The following CNTN5 variants were observed in gnomAD, a reference collection of about 807,000 sequenced individuals.
CNTN5 encodes the protein contactin 5.
CNTN5 carries 77 observed loss-of-function variants against 129.1 expected under a neutral mutation model. The observed-to-expected ratio is 0.60, with a 90% confidence interval of 0.50 to 0.72. The LOEUF (loss-of-function observed/expected upper bound fraction) is 0.72. Ranked by LOEUF, CNTN5 falls within the 30% of genes least tolerant of loss-of-function variation. The probability of loss-of-function intolerance (pLI) is 0.00; values close to 1 mark genes in which losing one functional copy is unlikely to be tolerated. For missense variants in CNTN5, 1,478 were observed against 1,328.8 expected, an observed-to-expected ratio of 1.11 and a Z score of -1.75; for synonymous variants, 509 against 465.6, an observed-to-expected ratio of 1.09 and a Z score of -1.20.
intron 13 of CNTN5, among the ~76,000 whole-genome samples, chr11:100,138,049 C>T (rs146267055): frequency 4.0e-5 from 6 of 151,516 alleles, no homozygotes; most frequent in Non-Finnish European, 7.4e-5. Flanking sequence ...AAATAGATGA[C>T]GGAAAGGGAA....
At chr11:100,069,001 A>T (rs6590574) in intron 10 of CNTN5, among the ~76,000 whole-genome samples, 1 of 151,976 alleles carries the variant, frequency 6.6e-6, no homozygotes, top group Non-Finnish European at 1.5e-5. Flanking sequence ...AATTTGGCTC[A>T]GTGTCTAGGA....
intron 1 of CNTN5, among the ~76,000 whole-genome samples, chr11:99,049,100 A>C (rs935173738): frequency 6.6e-6 from 1 of 152,166 alleles, no homozygotes; most frequent in Non-Finnish European, 1.5e-5. Context: ...ATGGGTTAAG[A>C]ATATTAATAC....
intron 6 of CNTN5, among the ~76,000 whole-genome samples, chr11:99,845,638 C>T (rs1013838661): frequency 6.6e-6 from 1 of 152,046 alleles, no homozygotes; most frequent in Non-Finnish European, 1.5e-5. Flanking sequence ...TCCCAAAGTG[C>T]TGGGATTACA....
chr11:99,345,055 C>A (rs1002742090), intron 2 of CNTN5, among the ~76,000 whole-genome samples: 20 of 152,082 alleles, frequency 1.3e-4, no homozygotes, highest in Non-Finnish European at 1.5e-5. Context: ...ACCTTTTTCT[C>A]AGGCCAATAT....
At chr11:100,237,521 G>A (rs2138670058) in intron 16 of CNTN5, among the ~76,000 whole-genome samples, 1 of 152,272 alleles carries the variant, frequency 6.6e-6, no homozygotes. Flanking sequence ...TTTTACTGCA[G>A]ATTGAATTTT....
chr11:99,025,428 C>T (rs4754576), intron 1 of CNTN5, among the ~76,000 whole-genome samples: 18 of 151,768 alleles, frequency 1.2e-4, no homozygotes, highest in Admixed American at 5.9e-4. Context: ...TTATGAAGGG[C>T]GTAGAGATGT....
At chr11:99,821,987 A>G (rs1946816164) in intron 4 of CNTN5, among the ~76,000 whole-genome samples, 1 of 152,178 alleles carries the variant, frequency 6.6e-6, no homozygotes, top group Non-Finnish European at 1.5e-5. Flanking sequence ...CATTTTATAA[A>G]TCTTAGCTAG....
intron 13 of CNTN5, among the ~76,000 whole-genome samples, chr11:100,177,659 T>C (rs905924281): frequency 6.6e-6 from 1 of 152,152 alleles, no homozygotes; most frequent in Admixed American, 6.6e-5. Flanking sequence ...TCTCCTTTAA[T>C]TAAAATTGTA....
chr11:99,454,325 G>A (rs369007705), intron 2 of CNTN5, among the ~76,000 whole-genome samples: 1 of 152,298 alleles, frequency 6.6e-6, no homozygotes, highest in South Asian at 2.1e-4. Context: ...ATTGTAATCC[G>A]TATAATTCCC....
chr11:99,934,872 C>CTGTGTGTGTGTGTGTGTGTG (rs369560126), intron 7 of CNTN5, among the ~76,000 whole-genome samples: 6 of 50,118 alleles, frequency 1.2e-4, no homozygotes, highest in African/African-American at 4.1e-4. Flanking sequence ...GAGACTCAGT[C>CTGTGTGTGTGTGTGTGTGTG]TGTGTGTGTG....
At chr11:100,008,020 G>C (rs2137507002) in intron 9 of CNTN5, among the ~76,000 whole-genome samples, 1 of 152,156 alleles carries the variant, frequency 6.6e-6, no homozygotes, top group South Asian at 2.1e-4. Context: ...GAGAGGGAGA[G>C]AGATGAGGGA....
Position 99,566,991 on chromosome 11 carries a change from A to G in CNTN5, c.55+10722A>G, listed in dbSNP as rs541480637. Among the ~76,000 whole-genome samples the G allele has an allele frequency of 2.6e-5, 4 of 152,336 alleles. No individual in the cohort carries two copies. The East Asian group carries it at 7.7e-4, about 29-fold the overall frequency. On this transcript the variant is annotated intron_variant, in intron 3 of 24. Coordinates refer to ENST00000524871, the MANE Select transcript of CNTN5 (RefSeq NM_014361.4). ...ATACTTAATTAGGTTTATTAAAACTAGGTATATTTATATCTTTTCCTTGAC... is the reference window on the plus strand; with the variant it reads ...ATACTTAATTAGGTTTATTAAAACTGGGTATATTTATATCTTTTCCTTGAC...
At chr11:99,668,316 A>C (rs1253096088) in intron 3 of CNTN5, among the ~76,000 whole-genome samples, 1 of 152,132 alleles carries the variant, frequency 6.6e-6, no homozygotes, top group Non-Finnish European at 1.5e-5. Context: ...CTAATTGATC[A>C]CTTACCTCTT....
chr11:99,300,102 C>T (rs1033382854), intron 1 of CNTN5, among the ~76,000 whole-genome samples: 2 of 151,934 alleles, frequency 1.3e-5, no homozygotes, highest in South Asian at 2.1e-4. Flanking sequence ...CAGGTTGACG[C>T]CTTTTATTTC....
chr11:100,297,562 G>T, intron 18 of CNTN5, 63 bp from the exon 19 acceptor site: 1 of 1,226,338 alleles, frequency 8.2e-7, no homozygotes, highest in African/African-American at 1.6e-5. Context: ...CTTATCTCAG[G>T]ATTTTATCCA....
chr11:99,210,177 C>T (rs567778504), intron 1 of CNTN5, among the ~76,000 whole-genome samples: 1 of 152,228 alleles, frequency 6.6e-6, no homozygotes, highest in South Asian at 2.1e-4. Flanking sequence ...AGATATCATT[C>T]TGGAAATAAT....
chr11:99,468,668 G>A (rs1247518950), intron 2 of CNTN5, among the ~76,000 whole-genome samples: 1 of 140,102 alleles, frequency 7.1e-6, no homozygotes, highest in African/African-American at 2.6e-5. Flanking sequence ...TTTTTTTTTG[G>A]AATTTTCATG....
chr11:99,304,188 T>G (rs1398972144), intron 1 of CNTN5, among the ~76,000 whole-genome samples: 1 of 152,138 alleles, frequency 6.6e-6, no homozygotes, highest in Non-Finnish European at 1.5e-5. Flanking sequence ...CTAACGTTCT[T>G]CACACAGGAC....
chr11:99,570,193 T>G (rs1318377096), intron 3 of CNTN5, among the ~76,000 whole-genome samples: 1 of 151,778 alleles, frequency 6.6e-6, no homozygotes, highest in African/African-American at 2.4e-5. Flanking sequence ...TACTTGTTTC[T>G]CTATGGTAAT....
Sources: allele counts gnomAD v4.1 joint callset (sites outside exome capture counted in the v4.1 genomes callset), GRCh38; gene constraint gnomAD v4.1.1; transcripts MANE v1.5; gene names NCBI Gene and HGNC (gene_info 2026-07-23, HGNC 2026-07-21).